The following ARHGEF7 variants were observed in gnomAD, a reference collection of about 807,000 sequenced individuals.
The protein encoded by ARHGEF7 is Rho guanine nucleotide exchange factor 7.
Under a neutral mutation model 109.8 loss-of-function variants are expected in ARHGEF7, and 33 were observed. The ratio of observed to expected loss-of-function variants is 0.30; its 90% CI spans 0.23 to 0.40. The LOEUF is 0.40. Among genes scored for constraint, ARHGEF7 ranks in the 10% least tolerant of loss-of-function variants. The probability of loss-of-function intolerance (pLI) is 1.00; values close to 1 mark genes in which losing one functional copy is unlikely to be tolerated. For missense variants in ARHGEF7, 938 were observed against 1,098.5 expected (o/e 0.85, Z 2.07); for synonymous variants, 458 against 424.6 (o/e 1.08, Z -0.97).
At chr13:111,186,748 T>A in intron 2 of ARHGEF7, 1 of 910,126 alleles carries the variant, frequency 1.1e-6, no homozygotes. Flanking sequence ...CTCAAGTTCC[T>A]GGAGGAGGCG....
rs1166490882 is a variant in ARHGEF7 at position 111,250,310 on chromosome 13, AT to A, written c.950+6017del. On this transcript the variant is annotated intron_variant, in intron 8 of 21. Coordinates refer to ENST00000646102, the MANE Select transcript of ARHGEF7 (RefSeq NM_001354046.2). ...TTTGCCTAGAGCAGCTTTCTCAGGT[AT>A]GCGTGCATTCGGCGCTTGTGCACAC... 3.9e-5 allele frequency among the ~76,000 whole-genome samples: 6 copies of A among 152,342 alleles called. No individual in the cohort carries two copies. In the East Asian group the frequency reaches 1.2e-3, roughly 29 times the overall value.
intron 2 of ARHGEF7, among the ~76,000 whole-genome samples, chr13:111,179,364 A>C (rs2078511791): frequency 6.6e-6 from 1 of 152,150 alleles, no homozygotes; most frequent in Non-Finnish European, 1.5e-5. Flanking sequence ...GATTACAGGA[A>C]TGAGCCACTG....
At chr13:111,122,362 G>A (rs933489775) in intron 1 of ARHGEF7, among the ~76,000 whole-genome samples, 1 of 152,244 alleles carries the variant, frequency 6.6e-6, no homozygotes, top group Non-Finnish European at 1.5e-5. Flanking sequence ...CTTTGGGGCC[G>A]CCCCGGTCCG....
chr13:111,193,220 A>G (rs148735192), intron 2 of ARHGEF7, among the ~76,000 whole-genome samples: 3,415 of 152,246 alleles, frequency 0.022, 120 homozygotes, highest in African/African-American at 0.075. Flanking sequence ...GGAGACAACT[A>G]TGCCCCCGTG....
At chr13:111,298,338 C>T (rs1383817797) in intron 19 of ARHGEF7, among the ~76,000 whole-genome samples, 2 of 152,242 alleles carry the variant, frequency 1.3e-5, no homozygotes, top group Non-Finnish European at 2.9e-5. Flanking sequence ...ACCTGGCTGG[C>T]ACCCCATGCT....
chr13:111,179,281 G>A (rs1197532479), intron 2 of ARHGEF7, among the ~76,000 whole-genome samples: 1 of 151,908 alleles, frequency 6.6e-6, no homozygotes, highest in Non-Finnish European at 1.5e-5. Flanking sequence ...ACAGGGTTTC[G>A]CTATGTTGAC....
chr13:111,128,547 G>A (rs1230223137), intron 1 of ARHGEF7, among the ~76,000 whole-genome samples: 1 of 152,310 alleles, frequency 6.6e-6, no homozygotes, highest in South Asian at 2.1e-4. Context: ...AGTCAGTTTA[G>A]CAAGGTTGAA....
chr13:111,114,777 C>T (rs1381056622), upstream of ARHGEF7: 1 of 152,234 alleles, frequency 6.6e-6, no homozygotes, highest in Non-Finnish European at 1.5e-5. Flanking sequence ...CCGGTGAGGT[C>T]GGCGCCGCGC....
rs1403520143 is a variant in ARHGEF7, at chr13:111,301,537, G to A, written c.2466+5G>A. 5.0e-6 allele frequency: 8 copies of A among 1,600,560 alleles called. No homozygotes were observed. Among genetic ancestry groups the A allele is most frequent in the Middle Eastern group, 1.7e-4 (1 of 6,052 alleles). On this transcript the variant is annotated splice_donor_5th_base_variant and intron_variant, in intron 21 of 21. Transcript: ENST00000646102. ...GAAGTTCAAGAATTAAGACAGGTAC[G>A]TCATAATCCATCTTTAAATCTTTTT...
chr13:111,206,910 C>T (rs1047085006), intron 3 of ARHGEF7, among the ~76,000 whole-genome samples: 16 of 144,150 alleles, frequency 1.1e-4, no homozygotes, highest in African/African-American at 3.5e-4. Context: ...TGCAGTGAGC[C>T]GAGATCGCGC....
intron 5 of ARHGEF7, among the ~76,000 whole-genome samples, chr13:111,226,618 C>CGT (rs748222024): frequency 3.3e-5 from 5 of 152,190 alleles, no homozygotes; most frequent in East Asian, 3.9e-4. Context: ...TTCCCTTGAG[C>CGT]ATGTTACTGC....
Position 111,303,113 on chromosome 13 carries a change from A to AG in ARHGEF7, c.*3dup. 6.4e-7 allele frequency: 1 copy of AG among 1,569,764 alleles called. No individual in the cohort carries two copies. Among genetic ancestry groups the AG allele is most frequent in the Non-Finnish European group, 8.7e-7 (1 of 1,151,980 alleles). On this transcript the variant is annotated 3_prime_UTR_variant, in exon 22 of 22. Coordinates refer to ENST00000646102, the MANE Select transcript of ARHGEF7 (RefSeq NM_001354046.2). ...CTGCCTGGGATGAGACCAATCTATA[A>AG]GGGATGTCCTCAGTTCTTTCTGTTG...
intron 19 of ARHGEF7, among the ~76,000 whole-genome samples, chr13:111,299,824 C>T (rs77251422): frequency 2.6e-5 from 4 of 152,246 alleles, no homozygotes; most frequent in Admixed American, 1.3e-4. Flanking sequence ...AGTTAGCGAG[C>T]GTGTCTCCAA....
intron 10 of ARHGEF7, 43 bp from the exon 11 acceptor site, chr13:111,274,687 GC>G: frequency 7.9e-7 from 1 of 1,264,732 alleles, no homozygotes; most frequent in Non-Finnish European, 1.1e-6. Flanking sequence ...TTTAAGAAAA[GC>G]TTTTCCTTAT....
At chr13:111,116,443 G>A (rs572797237) in intron 1 of ARHGEF7, 28 of 152,666 alleles carry the variant, frequency 1.8e-4, no homozygotes, top group Admixed American at 1.6e-3. Flanking sequence ...AGTGATTAAA[G>A]TTTGTTTTCA....
At chr13:111,290,265 A>G (rs2093220740) in intron 18 of ARHGEF7, among the ~76,000 whole-genome samples, 1 of 152,226 alleles carries the variant, frequency 6.6e-6, no homozygotes, top group Non-Finnish European at 1.5e-5. Flanking sequence ...AATTCAACCA[A>G]CTGCAGATAA....
At chr13:111,291,969 C>A (rs778251856) in intron 18 of ARHGEF7, 149 bp from the exon 19 acceptor site, 139 of 652,248 alleles carry the variant, frequency 2.1e-4, no homozygotes, top group Non-Finnish European at 2.8e-4. Flanking sequence ...GAAAAATATG[C>A]ATTGTTGCCA....
intron 19 of ARHGEF7, chr13:111,295,106 G>A: frequency 2.0e-6 from 2 of 982,338 alleles, no homozygotes; most frequent in Non-Finnish European, 2.4e-6. Flanking sequence ...GCATATTATT[G>A]TTTGTGGTTG....
chr13:111,228,424 C>T lies in ARHGEF7; in HGVS notation c.671-4781C>T, dbSNP rs1037321412. On this transcript the variant is annotated intron_variant, in intron 5 of 21. Transcript: ENST00000646102. This position sits in a 1 kb window ranked among gnomAD's most constrained non-coding sequence, Gnocchi z 4.6. ...AAGTGTTGGTGAGTGGAGATGACCT[C>T]ATCTCTGAGACTTGCTGATGGTGCT... 1.3e-5 allele frequency among the ~76,000 whole-genome samples: 2 copies of T among 152,176 alleles called. No homozygotes were observed. Among genetic ancestry groups the T allele is most frequent in the East Asian group, 1.9e-4 (1 of 5,202 alleles).
Sources: allele counts gnomAD v4.1 joint callset (sites outside exome capture counted in the v4.1 genomes callset), GRCh38; gene constraint gnomAD v4.1.1; non-coding constraint Gnocchi (gnomAD v3.1); transcripts MANE v1.5; gene names NCBI Gene and HGNC (gene_info 2026-07-23, HGNC 2026-07-21).